Variants in PPL observed in about 807,000 individuals in gnomAD.
PPL encodes the protein 190 kDa paraneoplastic pemphigus antigen.
Under a neutral mutation model 194.4 loss-of-function variants are expected in PPL, and 198 were observed. The observed-to-expected ratio is 1.02, with a 90% CI of 0.91 to 1.15. The LOEUF (loss-of-function observed/expected upper bound fraction) is 1.15, where lower values mean the gene tolerates loss of function less well. Among genes scored for constraint, PPL ranks in the 50% most tolerant of loss-of-function variants. PPL has a pLI of 0.00. For missense variants in PPL, 2,885 were observed against 2,294.8 expected, an observed-to-expected ratio of 1.26 and a Z score of -5.25; for synonymous variants, 1,220 against 972.4, an observed-to-expected ratio of 1.25 and a Z score of -4.74.
chr16:4,895,193 C>A, intron 11 of PPL, 68 bp downstream of exon 11: 1 of 1,495,558 alleles, frequency 6.7e-7, no homozygotes, highest in South Asian at 1.4e-5. Context: ...GCGCCTGAGG[C>A]CCGGGATCCA....
chr16:4,894,663 G>C, intron 11 of PPL, 45 bp from the exon 12 acceptor site: 2 of 1,590,770 alleles, frequency 1.3e-6, no homozygotes, highest in Middle Eastern at 2.1e-4. Context: ...CAGGGCCTGA[G>C]GGCCTGGGAG....
intron 2 of PPL, among the ~76,000 whole-genome samples, chr16:4,909,424 C>CTTTTTTTTTTTTTT (rs199792362): frequency 8.5e-6 from 1 of 118,246 alleles, no homozygotes; most frequent in African/African-American, 3.9e-5. Flanking sequence ...CTGGTCCCAC[C>CTTTTTTTTTTTTTT]TTTTTTTTTT....
chr16:4,885,184 CTT>C lies in PPL; in HGVS notation c.3469_3470del (p.Lys1157AspfsTer30), dbSNP rs1162483549. The C allele has an allele frequency of 1.2e-6, 2 of 1,614,050 alleles. No homozygotes were observed. The highest frequency in any genetic ancestry group is 1.7e-6 in the Non-Finnish European group (2 of 1,180,050). On this transcript the variant is annotated frameshift_variant, in exon 22 of 22. Coordinates refer to ENST00000345988, the MANE Select transcript of PPL (RefSeq NM_002705.5). LOFTEE classifies it high-confidence loss of function. The surrounding 1 kb of genome is among the most constrained non-coding windows in gnomAD (Gnocchi z 6.3). The stretch of plus-strand genomic sequence containing the variant: ...CGTTCTCCTCCTCCAAGGCCCATAT[CTT>C]TCGGAGCAGCTCCGTCTTCTCCCTC... Reference protein sequence around the residue: ...SQREKTELLRKIWALEEENAK... With the variant: ...SQREKTELLRXIWALEEENAK...
Position 4,895,329 on chromosome 16 carries a change from T to G in PPL, c.1174A>C (p.Lys392Gln), listed in dbSNP as rs746148083. 1.2e-6 allele frequency: 2 copies of G among 1,613,290 alleles called. No individual in the cohort carries two copies. The highest frequency in any genetic ancestry group is 2.2e-5 in the East Asian group (1 of 44,860). The part of the protein sequence containing the change: ...QKRGQQVVPL[K>Q]YRRETPLKPI... ...TTGAGCGGAGTCTCCCGGCGGTACTTGAGGGGCACCACCTGCTGGCCTCGC... is the reference window on the plus strand; with the variant it reads ...TTGAGCGGAGTCTCCCGGCGGTACTGGAGGGGCACCACCTGCTGGCCTCGC... Residue 392 changes from lysine (K) to glutamine (Q), a missense_variant, in exon 11 of 22, where the codon AAG becomes CAG. Physicochemically the swap from Lys to Gln is moderately conservative, Grantham distance 53. Coordinates refer to ENST00000345988, the MANE Select transcript of PPL (RefSeq NM_002705.5).
chr16:4,928,633 T>C (rs1232392674), intron 1 of PPL, among the ~76,000 whole-genome samples: 1 of 152,222 alleles, frequency 6.6e-6, no homozygotes, highest in African/African-American at 2.4e-5. Flanking sequence ...CGATGGTTTG[T>C]TTCCCATCGA....
At position 4,888,297 on chromosome 16, in the gene PPL, C is replaced by G. The variant is rs74573148; in HGVS notation, c.2398-79G>C. 3 of 1,021,818 alleles carry G rather than the reference C, an allele frequency of 2.9e-6. No homozygotes were observed. In the East Asian group the frequency reaches 7.2e-5, roughly 25 times the overall value. 63.3% of individuals were successfully genotyped at this position (1,021,818 alleles called of 1,614,324 possible). ...AGACATGTTCCTGTACCCCTTCAGG[C>G]TGACCCAGACCTGCCCTGTGCCATG... On this transcript the variant is annotated intron_variant, in intron 19 of 21. Coordinates refer to ENST00000345988, the MANE Select transcript of PPL (RefSeq NM_002705.5).
chr16:4,923,050 T>C (rs955424008), intron 1 of PPL, among the ~76,000 whole-genome samples: 3 of 152,084 alleles, frequency 2.0e-5, no homozygotes, highest in African/African-American at 7.2e-5. Flanking sequence ...TCAGAGTCAG[T>C]AGGTTTGGGG....
At position 4,902,553 on chromosome 16, in the gene PPL, T is replaced by A. The variant is rs769223112; in HGVS notation, c.318-27A>T. 133 of 1,607,584 alleles carry A rather than the reference T, an allele frequency of 8.3e-5. No homozygotes were observed. The highest frequency in any genetic ancestry group is 1.1e-4 in the Non-Finnish European group (132 of 1,176,892). ...TGATGGGAGAGAGGCTCCCACTTAGTGGGGCTGGTTGGCACTGCCTGCACC... is the reference window on the plus strand; with the variant it reads ...TGATGGGAGAGAGGCTCCCACTTAGAGGGGCTGGTTGGCACTGCCTGCACC... On this transcript the variant is annotated intron_variant, in intron 3 of 21. Coordinates refer to ENST00000345988, the MANE Select transcript of PPL (RefSeq NM_002705.5). The surrounding 1 kb of genome is among the most constrained non-coding windows in gnomAD (Gnocchi z 4.0).
intron 12 of PPL, chr16:4,893,958 A>G: frequency 2.5e-6 from 1 of 405,394 alleles, no homozygotes; most frequent in Non-Finnish European, 4.4e-6. Flanking sequence ...CATTCCTTGA[A>G]TGATCCACTC....
In PPL at chr16:4,894,549, T is replaced by G. The variant is rs1432523836; in HGVS notation, c.1312A>C (p.Ser438Arg). 1 of 1,613,886 alleles carries G rather than the reference T, an allele frequency of 6.2e-7. No homozygotes were observed. Among genetic ancestry groups the G allele is most frequent in the East Asian group, 2.2e-5 (1 of 44,868 alleles). Residue 438 changes from serine (S) to arginine (R), a missense_variant, in exon 12 of 22, where the codon AGC (serine) becomes CGC (arginine). Transcript: ENST00000345988. ...GGAGCAATCAGCTTGTTCCCAGCGC[T>G]GTCCATGAGCTCCCAGCTCTCCCCG... Reference protein sequence around the residue: ...NNGESWELMDSAGNKLIAPAV... With the variant: ...NNGESWELMDRAGNKLIAPAV...
chr16:4,883,471 G>T lies in PPL; in HGVS notation c.5184C>A (p.Gly1728=), dbSNP rs1381571150. The change falls in exon 22 of 22, where the codon GGC becomes GGA. Residue 1728 remains glycine, a synonymous_variant. Transcript: ENST00000345988. This position sits in a 1 kb window ranked among gnomAD's most constrained non-coding sequence, Gnocchi z 4.8. ...GGTCATACTGAGCAGGGGTCAGCCT[G>T]CCACTCTGCAGGGCCTCTTCGATGG... ...KFSIEEALQS[G]RLTPAQYDRY... The T allele has an allele frequency of 1.4e-5, 23 of 1,614,216 alleles. No homozygotes were observed. Among genetic ancestry groups the T allele is most frequent in the Non-Finnish European group, 1.8e-5 (21 of 1,180,034 alleles).
intron 14 of PPL, 130 bp from the exon 15 acceptor site, chr16:4,892,343 G>A: frequency 9.5e-7 from 1 of 1,050,792 alleles, no homozygotes; most frequent in Non-Finnish European, 1.3e-6. Context: ...GGCACATTCT[G>A]GGGCTCTGAC....
At position 4,896,533 on chromosome 16, in the gene PPL, G is replaced by C. The variant is rs372482229; in HGVS notation, c.973-817C>G. On this transcript the variant is annotated intron_variant, in intron 9 of 21. Coordinates refer to ENST00000345988, the MANE Select transcript of PPL (RefSeq NM_002705.5). The stretch of plus-strand genomic sequence containing the variant: ...GATTCTTCATATTCGTTCTAGGTGT[G>C]ACACTTCTGGAACAGGCAAGTCCAT... 2.0e-4 allele frequency among the ~76,000 whole-genome samples: 31 copies of C among 152,168 alleles called. No homozygotes were observed. In the East Asian group the frequency reaches 5.6e-3, roughly 27 times the overall value.
chr16:4,916,838 C>T (rs2088926462), intron 1 of PPL, among the ~76,000 whole-genome samples: 1 of 151,724 alleles, frequency 6.6e-6, no homozygotes, highest in South Asian at 2.1e-4. Flanking sequence ...GAAATGAAAA[C>T]CTATGTCTGG....
rs745619445 is a variant in PPL, at chr16:4,885,393, CCTG to C, written c.3259_3261del (p.Gln1087del). ...TCCTGGAGGAAGCTCAGCTCCTCCTCCTGCTTCTCCCTGAGCTGGTCCTGGCGC... is the reference window on the plus strand; with the variant it reads ...TCCTGGAGGAAGCTCAGCTCCTCCTCCTTCTCCCTGAGCTGGTCCTGGCGC... On this transcript the variant is annotated inframe_deletion, in exon 22 of 22. Coordinates refer to ENST00000345988, the MANE Select transcript of PPL (RefSeq NM_002705.5). This position sits in a 1 kb window ranked among gnomAD's most constrained non-coding sequence, Gnocchi z 6.3. 5.0e-6 allele frequency: 8 copies of C among 1,612,858 alleles called. No homozygotes were observed. The African/African-American group carries it at 9.3e-5, about 19-fold the overall frequency.
At chr16:4,908,804 G>T (rs1018129910) in intron 2 of PPL, among the ~76,000 whole-genome samples, 5 of 152,204 alleles carry the variant, frequency 3.3e-5, no homozygotes, top group Non-Finnish European at 5.9e-5. Flanking sequence ...GCCTCCCAAA[G>T]TGCTGAGATT....
chr16:4,918,760 A>C (rs1341712005), intron 1 of PPL, among the ~76,000 whole-genome samples: 1 of 152,090 alleles, frequency 6.6e-6, no homozygotes, highest in Non-Finnish European at 1.5e-5. Flanking sequence ...TCCCCCCACC[A>C]TCCAGCTGGC....
chr16:4,892,463 T>G (rs1003772330), intron 14 of PPL, among the ~76,000 whole-genome samples: 3 of 152,234 alleles, frequency 2.0e-5, no homozygotes, highest in African/African-American at 7.2e-5. Context: ...CTGCCGGGCC[T>G]GTGCTGTCCT....
Position 4,890,744 on chromosome 16 carries a change from G to C in PPL, c.2146C>G (p.Gln716Glu). Residue 716 changes from glutamine (Q) to glutamate (E), a missense_variant, in exon 17 of 22, where the codon CAG (glutamine) becomes GAG (glutamate). Transcript: ENST00000345988. ...KLGQRFNNLR[Q>E]QVERRAQSLQ... ...CACCCTCACCTGCGTTCCACCTGCT[G>C]GCGCAGGTTGTTGAAACGCTGGCCC... The C allele has an allele frequency of 1.9e-6, 3 of 1,607,596 alleles. No homozygotes were observed. Among genetic ancestry groups the C allele is most frequent in the Non-Finnish European group, 2.5e-6 (3 of 1,177,632 alleles).
Sources: allele counts gnomAD v4.1 joint callset (sites outside exome capture counted in the v4.1 genomes callset), GRCh38; gene constraint gnomAD v4.1.1; non-coding constraint Gnocchi (gnomAD v3.1); transcripts MANE v1.5; gene names NCBI Gene and HGNC (gene_info 2026-07-23, HGNC 2026-07-21).